The following DSP variants were observed in gnomAD, a reference collection of about 807,000 sequenced individuals.
DSP encodes 250/210 kDa paraneoplastic pemphigus antigen.
Under a neutral mutation model 290.6 loss-of-function variants are expected in DSP, and 114 were observed. The ratio of observed to expected loss-of-function variants is 0.39; its 90% CI spans 0.34 to 0.46. The LOEUF (loss-of-function observed/expected upper bound fraction) is 0.46. Among genes scored for constraint, DSP ranks in the 20% least tolerant of loss-of-function variants. The pLI is 0.99. For synonymous variants in DSP, 1,311 were observed against 1,316.4 expected (o/e 1.00, Z 0.09); for missense variants, 3,230 against 3,495.8 (o/e 0.92, Z 1.92).
chr6:7,572,213 TTA>T, intron 15 of DSP, 145 bp downstream of exon 15: 1 of 792,044 alleles, frequency 1.3e-6, no homozygotes, highest in Non-Finnish European at 2.1e-6. Flanking sequence ...TCCTTATGTA[TTA>T]TGTTTCCAAA....
chr6:7,542,234 C>G (rs920694927), intron 1 of DSP, 149 bp downstream of exon 1: 1 of 1,099,910 alleles, frequency 9.1e-7, no homozygotes, highest in African/African-American at 1.6e-5. Flanking sequence ...GCGCTGGGAG[C>G]AGGACCGGGT....
rs1561702898 is a variant in DSP, at chr6:7,583,948, G to T, written c.6686G>T (p.Arg2229Ile). The T allele has an allele frequency of 1.2e-6, 2 of 1,614,156 alleles. No individual in the cohort carries two copies. The highest frequency in any genetic ancestry group is 1.1e-5 in the South Asian group (1 of 91,054). The change falls in exon 24 of 24, where the codon AGA becomes ATA. Residue 2229 changes from arginine to isoleucine, a missense_variant. By Grantham distance (97) the Arg-to-Ile change is moderately conservative. Transcript: ENST00000379802. This position sits in a 1 kb window ranked among gnomAD's most constrained non-coding sequence, Gnocchi z 4.0. ...VTELVDSGIL[R>I]PSTVNELESG... ...GAGCTAGTAGATTCTGGTATATTGA[G>T]ACCGTCCACTGTCAATGAACTGGAA...
At chr6:7,553,728 G>A (rs1345732794) in intron 1 of DSP, among the ~76,000 whole-genome samples, 1 of 152,224 alleles carries the variant, frequency 6.6e-6, no homozygotes, top group African/African-American at 2.4e-5. Flanking sequence ...GTGGAAGACA[G>A]AGACTGGTTG....
At chr6:7,554,099 A>ACACACACACACACACC (rs1268498188) in intron 1 of DSP, among the ~76,000 whole-genome samples, 10 of 150,182 alleles carry the variant, frequency 6.7e-5, no homozygotes, top group Non-Finnish European at 1.3e-4. Context: ...ACACACACAC[A>ACACACACACACACACC]CACACACACA....
chr6:7,543,783 A>G (rs1198609758), intron 1 of DSP, among the ~76,000 whole-genome samples: 1 of 152,220 alleles, frequency 6.6e-6, no homozygotes, highest in African/African-American at 2.4e-5. Context: ...AATAGACAAT[A>G]ATCAGTACTA....
chr6:7,585,810 T>C lies in DSP; in HGVS notation c.8548T>C (p.Phe2850Leu). 1.2e-6 allele frequency: 2 copies of C among 1,611,268 alleles called. No homozygotes were observed. The highest frequency in any genetic ancestry group is 1.7e-4 in the Middle Eastern group (1 of 6,034). Residue 2850 changes from phenylalanine to leucine, a missense_variant, in exon 24 of 24, where the codon TTT becomes CTT. Physicochemically the swap from Phe to Leu is conservative, Grantham distance 22. Transcript: ENST00000379802. ...GSRSGSRRGS[F>L]DATGNSSYSY... ...CCGCAGTGGGTCCCGGAGAGGAAGCTTTGACGCCACAGGGAATTCTTCCTA... is the reference window on the plus strand; with the variant it reads ...CCGCAGTGGGTCCCGGAGAGGAAGCCTTGACGCCACAGGGAATTCTTCCTA...
At chr6:7,568,340 C>T in intron 10 of DSP, 97 bp from the exon 11 acceptor site, 6 of 1,343,974 alleles carry the variant, frequency 4.5e-6, no homozygotes, top group South Asian at 1.2e-5. Flanking sequence ...TGCAGTGATA[C>T]TCAGTGTGTC....
chr6:7,583,834 G>A lies in DSP; in HGVS notation c.6572G>A (p.Arg2191Lys), dbSNP rs527888978. The change falls in exon 24 of 24, where the codon AGA becomes AAA. Residue 2191 changes from arginine to lysine, a missense_variant. Arg to Lys is a conservative substitution (Grantham distance 26). This residue lies in a region of DSP where 1,714 missense variants were observed against 1,844.5 expected (regional missense o/e 0.93). Coordinates refer to ENST00000379802, the MANE Select transcript of DSP (RefSeq NM_004415.4). This position sits in a 1 kb window ranked among gnomAD's most constrained non-coding sequence, Gnocchi z 4.0. ...VSYVQLKERCRIEPHTGLLLL... is the reference protein window; with the variant it reads ...VSYVQLKERCKIEPHTGLLLL... ...TACGTGCAGCTGAAGGAACGGTGCA[G>A]AATCGAACCACATACTGGTCTGCTC... is the stretch of plus-strand genomic sequence containing the variant. The A allele has an allele frequency of 1.2e-6, 2 of 1,614,152 alleles. No homozygotes were observed. Among genetic ancestry groups the A allele is most frequent in the South Asian group, 2.2e-5 (2 of 91,074 alleles).
At chr6:7,549,081 T>G (rs2113642996) in intron 1 of DSP, among the ~76,000 whole-genome samples, 1 of 152,310 alleles carries the variant, frequency 6.6e-6, no homozygotes, top group East Asian at 1.9e-4. Flanking sequence ...GCTGTAACTT[T>G]TGAAGTTCTG....
rs1487864505 is a variant in DSP, at chr6:7,542,095, T to A, written c.170+10T>A. On this transcript the variant is annotated intron_variant, in intron 1 of 23. Coordinates refer to ENST00000379802, the MANE Select transcript of DSP (RefSeq NM_004415.4). ...ACTCGGACGGCTACTGGTGGGTACC[T>A]GCCCGGAGAGCGCGGGCTGCGGGGC... 7 of 1,555,502 alleles carry A rather than the reference T, an allele frequency of 4.5e-6. No individual in the cohort carries two copies. The South Asian group carries it at 7.1e-5, about 16-fold the overall frequency.
intron 1 of DSP, among the ~76,000 whole-genome samples, chr6:7,552,620 G>T (rs903776340): frequency 1.4e-5 from 2 of 146,016 alleles, no homozygotes; most frequent in African/African-American, 5.0e-5. Flanking sequence ...AAAGCACGAA[G>T]AATTTATTTG....
At chr6:7,577,933 TTCTTCCCTTTTCCCTGTCTCCTGCC>T (rs774712207) in intron 21 of DSP, 47 bp downstream of exon 21, 24 of 1,456,866 alleles carry the variant, frequency 1.6e-5, no homozygotes, top group African/African-American at 8.4e-5. Context: ...CTCCTTCTGC[TTCTTCCCTTTTCCCTGTCTCCTGCC>T]TCTTCCCTTT....
chr6:7,571,606 C>T, intron 14 of DSP, 22 bp downstream of exon 14: 3 of 1,613,758 alleles, frequency 1.9e-6, no homozygotes, highest in Non-Finnish European at 2.5e-6. Flanking sequence ...ACATCTTTCT[C>T]TTTGTATCAA....
At chr6:7,554,082 AACACACACACACACACACAC>A (rs10658102) in intron 1 of DSP, among the ~76,000 whole-genome samples, 46 of 115,946 alleles carry the variant, frequency 4.0e-4, no homozygotes, top group African/African-American at 1.7e-3. Context: ...CTTTCTTTAA[AACACACACACACACACACAC>A]ACACACACAC....
At position 7,579,698 on chromosome 6, in the gene DSP, G is replaced by A. The variant is rs139582608; in HGVS notation, c.3508G>A (p.Glu1170Lys). Residue 1170 changes from glutamate (E) to lysine (K), a missense_variant, in exon 23 of 24, where the codon GAG becomes AAG. Coordinates refer to ENST00000379802, the MANE Select transcript of DSP (RefSeq NM_004415.4). This position sits in a 1 kb window ranked among gnomAD's most constrained non-coding sequence, Gnocchi z 4.1. The stretch of plus-strand genomic sequence containing the variant: ...GAAAGCCATCAAGGAGAAGGAGTAC[G>A]AGATTGAAAGGTTGAGGGTTCTACT... ...SEKAIKEKEY[E>K]IERLRVLLQE... 3 of 1,613,764 alleles carry A rather than the reference G, an allele frequency of 1.9e-6. No homozygotes were observed. Among genetic ancestry groups the A allele is most frequent in the Non-Finnish European group, 2.5e-6 (3 of 1,179,852 alleles).
At chr6:7,556,909 A>T (rs892082254) in intron 2 of DSP, among the ~76,000 whole-genome samples, 5 of 152,216 alleles carry the variant, frequency 3.3e-5, no homozygotes, top group Non-Finnish European at 7.3e-5. Flanking sequence ...CTTAATAGTG[A>T]ACATACACAC....
At chr6:7,568,660 G>A in intron 11 of DSP, 71 bp downstream of exon 11, 1 of 1,541,720 alleles carries the variant, frequency 6.5e-7, no homozygotes, top group Non-Finnish European at 8.9e-7. Flanking sequence ...CATCAAGAAA[G>A]CAACATTTAA....
In DSP at chr6:7,577,792, A is replaced by T. The variant is rs1204839587; in HGVS notation, c.2891A>T (p.Gln964Leu). The T allele has an allele frequency of 1.9e-6, 3 of 1,613,778 alleles. No individual in the cohort carries two copies. In the African/African-American group the frequency reaches 4.0e-5, roughly 22 times the overall value. The stretch of plus-strand genomic sequence containing the variant: ...ATTATGCTGCAGGATTATGAGCTCC[A>T]GCTGGCCTCATACACCTCAGGACTG... The part of the protein sequence containing the change: ...CANSIKDYEL[Q>L]LASYTSGLET... Residue 964 changes from glutamine (Q) to leucine (L), a missense_variant, in exon 21 of 24, where the codon CAG (glutamine) becomes CTG (leucine). Gln to Leu is a moderately radical substitution (Grantham distance 113). This residue lies in a region of DSP where 1,714 missense variants were observed against 1,844.5 expected (regional missense o/e 0.93). Coordinates refer to ENST00000379802, the MANE Select transcript of DSP (RefSeq NM_004415.4).
intron 20 of DSP, 69 bp downstream of exon 20, chr6:7,577,111 T>A: frequency 7.7e-7 from 1 of 1,293,748 alleles, no homozygotes; most frequent in South Asian, 1.3e-5. Context: ...CTTGCTGATT[T>A]GTTGTAAAGC....
Sources: allele counts gnomAD v4.1 joint callset (sites outside exome capture counted in the v4.1 genomes callset), GRCh38; gene constraint gnomAD v4.1.1; regional missense constraint gnomAD v4.1.1; non-coding constraint Gnocchi (gnomAD v3.1); transcripts MANE v1.5; gene names NCBI Gene and HGNC (gene_info 2026-07-23, HGNC 2026-07-21).